The following NCKAP5 variants were observed in gnomAD, a reference collection of about 807,000 sequenced individuals.
NCKAP5 encodes nck-associated protein 5.
A neutral mutation model predicts 167.0 loss-of-function variants in NCKAP5; 92 were observed. The observed-to-expected ratio is 0.55, with a 90% CI of 0.47 to 0.66. The LOEUF (loss-of-function observed/expected upper bound fraction) is 0.66. Ranked by LOEUF, NCKAP5 falls within the 30% of genes least tolerant of loss-of-function variation. The pLI is 0.00. For synonymous variants in NCKAP5, 891 were observed against 877.4 expected (o/e 1.02, Z -0.27); for missense variants, 2,378 against 2,315.0 (o/e 1.03, Z -0.56).
At position 132,784,574 on chromosome 2, in the gene NCKAP5, T is replaced by C. The variant is rs201897878; in HGVS notation, c.2237A>G (p.Asp746Gly). The change falls in exon 14 of 20, where the codon GAT becomes GGT. Residue 746 changes from aspartate (D) to glycine (G), a missense_variant. By Grantham distance (94) the Asp-to-Gly change is moderately conservative. This residue lies in a region of NCKAP5 where 1,049 missense variants were observed against 1,023.4 expected (regional missense o/e 1.02). Transcript: ENST00000409261. ...CACCCTGGGAACATTATCTACATTA[T>C]CTTTTGGAATGTTTTTCTCAGTGTC... ...EEDTEKNIPK[D>G]NVDNVPRVST... 23 of 1,586,498 alleles carry C rather than the reference T, an allele frequency of 1.4e-5. No individual in the cohort carries two copies. The Admixed American group carries it at 3.9e-4, about 27-fold the overall frequency.
At chr2:133,558,129 T>C (rs1687877287) in intron 2 of NCKAP5, 1 of 152,328 alleles carries the variant, frequency 6.6e-6, no homozygotes, top group South Asian at 2.1e-4. Context: ...TCTACCATGC[T>C]GCTTGCTCCT....
chr2:132,753,065 C>T lies in NCKAP5; in HGVS notation c.5128+20751G>A, dbSNP rs1267265320. On this transcript the variant is annotated intron_variant, in intron 16 of 19. Coordinates refer to ENST00000409261, the MANE Select transcript of NCKAP5 (RefSeq NM_207363.3). ...TTACCAATTTAAAAGTTAATCTCATCCAAACACACCTTTATGAAAACACCC... is the reference window on the plus strand; with the variant it reads ...TTACCAATTTAAAAGTTAATCTCATTCAAACACACCTTTATGAAAACACCC... Among the ~76,000 whole-genome samples the T allele has an allele frequency of 2.0e-5, 3 of 152,294 alleles. No homozygotes were observed. In the East Asian group the frequency reaches 5.8e-4, roughly 29 times the overall value.
chr2:133,017,505 T>C (rs1035498406), intron 6 of NCKAP5, among the ~76,000 whole-genome samples: 3 of 152,216 alleles, frequency 2.0e-5, no homozygotes, highest in Non-Finnish European at 4.4e-5. Flanking sequence ...TGATTATCAT[T>C]ATTCAAACCC....
intron 3 of NCKAP5, among the ~76,000 whole-genome samples, chr2:133,455,746 A>G (rs1490189660): frequency 6.6e-6 from 1 of 152,206 alleles, no homozygotes; most frequent in African/African-American, 2.4e-5. Flanking sequence ...TGCACTTTGA[A>G]AAACAAACTT....
At chr2:132,828,911 G>A (rs951220764) in intron 11 of NCKAP5, among the ~76,000 whole-genome samples, 1 of 152,138 alleles carries the variant, frequency 6.6e-6, no homozygotes, top group African/African-American at 2.4e-5. Flanking sequence ...TGAGGCCTGT[G>A]GAGGCTTGCT....
chr2:133,314,549 C>G (rs565411333), intron 3 of NCKAP5, among the ~76,000 whole-genome samples: 1 of 152,082 alleles, frequency 6.6e-6, no homozygotes, highest in African/African-American at 2.4e-5. Flanking sequence ...CTGATTACCC[C>G]GATTACCACC....
intron 6 of NCKAP5, among the ~76,000 whole-genome samples, chr2:133,018,246 C>A (rs940734061): frequency 6.6e-6 from 1 of 152,128 alleles, no homozygotes; most frequent in Non-Finnish European, 1.5e-5. Context: ...GCCTAGCAAT[C>A]GGGTTGTCTT....
chr2:133,238,908 C>T (rs1272491214), intron 4 of NCKAP5, among the ~76,000 whole-genome samples: 1 of 152,130 alleles, frequency 6.6e-6, no homozygotes, highest in African/African-American at 2.4e-5. Context: ...TGTAAAATCC[C>T]CTTCCCATTC....
At chr2:132,917,648 G>A (rs1246874794) in intron 8 of NCKAP5, among the ~76,000 whole-genome samples, 1 of 152,108 alleles carries the variant, frequency 6.6e-6, no homozygotes, top group East Asian at 1.9e-4. Flanking sequence ...GACTTTATTG[G>A]CTGCAGAGAT....
rs184124882 is a variant in NCKAP5, at chr2:133,189,351, A to T, written c.207+24365T>A. Among the ~76,000 whole-genome samples the T allele has an allele frequency of 9.2e-5, 14 of 152,310 alleles. No individual in the cohort carries two copies. In the East Asian group the frequency reaches 1.9e-3, roughly 21 times the overall value. The stretch of plus-strand genomic sequence containing the variant: ...TGGATTCACAGCTGAATTCTACCAG[A>T]GGTACAAAGAGGAGCTGGTACCGTT... On this transcript the variant is annotated intron_variant, in intron 5 of 19. Coordinates refer to ENST00000409261, the MANE Select transcript of NCKAP5 (RefSeq NM_207363.3).
At chr2:132,777,879 G>A (rs1249996836) in intron 15 of NCKAP5, among the ~76,000 whole-genome samples, 1 of 151,498 alleles carries the variant, frequency 6.6e-6, no homozygotes, top group Non-Finnish European at 1.5e-5. Flanking sequence ...TGTGACACTG[G>A]GTAAAGAGAA....
intron 19 of NCKAP5, among the ~76,000 whole-genome samples, chr2:132,683,822 C>T (rs1002205577): frequency 6.6e-6 from 1 of 152,104 alleles, no homozygotes; most frequent in African/African-American, 2.4e-5. Flanking sequence ...TTCCAGGTGA[C>T]AATAGAAACA....
At chr2:132,954,101 T>C (rs532368757) in intron 8 of NCKAP5, among the ~76,000 whole-genome samples, 20 of 152,352 alleles carry the variant, frequency 1.3e-4, no homozygotes, top group African/African-American at 4.3e-4. Flanking sequence ...TCCAGTTATA[T>C]AGCCATCCTT....
intron 6 of NCKAP5, among the ~76,000 whole-genome samples, chr2:133,108,466 G>A (rs974898127): frequency 3.9e-5 from 6 of 152,162 alleles, no homozygotes; most frequent in African/African-American, 1.4e-4. Context: ...CTTCAATCAA[G>A]TTGAATGAAT....
At chr2:133,537,864 C>T (rs951421204) in intron 2 of NCKAP5, among the ~76,000 whole-genome samples, 16 of 152,144 alleles carry the variant, frequency 1.1e-4, no homozygotes, top group African/African-American at 3.4e-4. Flanking sequence ...TCATCTTTCA[C>T]CAGCACTCAT....
chr2:132,811,853 T>C (rs895343192), intron 11 of NCKAP5, among the ~76,000 whole-genome samples: 3 of 152,182 alleles, frequency 2.0e-5, no homozygotes, highest in Admixed American at 6.5e-5. Context: ...TGTGGAGTTT[T>C]ACCCCCCGCT....
At chr2:133,087,395 A>T (rs2081028164) in intron 6 of NCKAP5, among the ~76,000 whole-genome samples, 2 of 152,220 alleles carry the variant, frequency 1.3e-5, no homozygotes. Context: ...GGGAGAATTT[A>T]TTGATAAAGA....
chr2:133,446,444 A>G (rs1691199681), intron 3 of NCKAP5, among the ~76,000 whole-genome samples: 1 of 152,244 alleles, frequency 6.6e-6, no homozygotes, highest in Admixed American at 6.5e-5. Flanking sequence ...AACTCATTTA[A>G]TTCTTACCCC....
rs1345669472 is a variant in NCKAP5, at chr2:132,673,312, T to A, written c.5714-7A>T. On this transcript the variant is annotated splice_region_variant and splice_polypyrimidine_tract_variant and intron_variant, in intron 19 of 19. Transcript: ENST00000409261. ...CTTCAAGTTGTCTCAATTTCTGCAA[T>A]AAAAAGAAGAAAATATTAGAAACAT... The A allele has an allele frequency of 4.1e-6, 6 of 1,448,878 alleles. No homozygotes were observed. In the Admixed American group the frequency reaches 1.3e-4, roughly 32 times the overall value. The allele number at this position is 1,448,878 out of a possible 1,614,324, so 89.8% of individuals were successfully genotyped here.
Sources: allele counts gnomAD v4.1 joint callset (sites outside exome capture counted in the v4.1 genomes callset), GRCh38; gene constraint gnomAD v4.1.1; regional missense constraint gnomAD v4.1.1; transcripts MANE v1.5; gene names NCBI Gene and HGNC (gene_info 2026-07-23, HGNC 2026-07-21).